ST6GALNAC3: variants seen among roughly 807,000 people sequenced by gnomAD.
ST6GALNAC3 encodes alpha-N-acetylgalactosaminide alpha-2,6-sialyltransferase 3.
Under a neutral mutation model 32.7 loss-of-function variants are expected in ST6GALNAC3, and 25 were observed. That is an observed-to-expected ratio of 0.76 (90% CI 0.56 to 1.07). ST6GALNAC3 has a LOEUF of 1.07. ST6GALNAC3 is among the 50% of genes least tolerant of loss of function. The probability of loss-of-function intolerance (pLI) is 0.00; values close to 1 mark genes in which losing one functional copy is unlikely to be tolerated. For missense variants in ST6GALNAC3, 355 were observed against 382.4 expected (o/e 0.93, Z 0.60); for synonymous variants, 129 against 133.1 (o/e 0.97, Z 0.21).
intron 3 of ST6GALNAC3, among the ~76,000 whole-genome samples, chr1:76,455,902 A>G (rs187439793): frequency 6.6e-6 from 1 of 152,300 alleles, no homozygotes; most frequent in Non-Finnish European, 1.5e-5. Context: ...AAAATACTTT[A>G]TGGCTGGATG....
At chr1:76,454,321 G>T (rs1373513396) in intron 3 of ST6GALNAC3, among the ~76,000 whole-genome samples, 1 of 151,978 alleles carries the variant, frequency 6.6e-6, no homozygotes, top group Admixed American at 6.6e-5. Context: ...TATTATTCCT[G>T]TTATTTGTTG....
At chr1:76,326,283 A>C (rs796394937) in intron 2 of ST6GALNAC3, among the ~76,000 whole-genome samples, 6 of 152,290 alleles carry the variant, frequency 3.9e-5, no homozygotes, top group African/African-American at 1.4e-4. Context: ...GTGGCCTCAC[A>C]TCTGTTAACA....
chr1:76,155,845 C>A (rs1007893261), intron 1 of ST6GALNAC3, among the ~76,000 whole-genome samples: 2 of 152,154 alleles, frequency 1.3e-5, no homozygotes, highest in Admixed American at 6.5e-5. Context: ...ACATTTGTTA[C>A]AATTAGTGAA....
At chr1:76,318,187 A>G (rs1646902881) in intron 2 of ST6GALNAC3, among the ~76,000 whole-genome samples, 1 of 152,118 alleles carries the variant, frequency 6.6e-6, no homozygotes, top group East Asian at 1.9e-4. Flanking sequence ...ATGTAGATCC[A>G]TAAAAAAGAG....
intron 3 of ST6GALNAC3, among the ~76,000 whole-genome samples, chr1:76,524,758 A>C: frequency 6.6e-6 from 1 of 151,298 alleles, no homozygotes. Flanking sequence ...CTATGCCCCT[A>C]ACAAAACTCA....
intron 3 of ST6GALNAC3, among the ~76,000 whole-genome samples, chr1:76,438,204 T>A (rs1269654952): frequency 6.6e-6 from 1 of 151,306 alleles, no homozygotes; most frequent in Non-Finnish European, 1.5e-5. Context: ...CAGGCTGGAG[T>A]GCAGTGGCGC....
intron 1 of ST6GALNAC3, among the ~76,000 whole-genome samples, chr1:76,226,029 A>G (rs1570498236): frequency 1.3e-5 from 2 of 152,150 alleles, no homozygotes; most frequent in East Asian, 3.9e-4. Context: ...AGCATAACTG[A>G]TGACTTTATT....
chr1:76,410,135 G>C (rs561024993), intron 2 of ST6GALNAC3, among the ~76,000 whole-genome samples: 1 of 151,816 alleles, frequency 6.6e-6, no homozygotes, highest in African/African-American at 2.4e-5. Context: ...CCTCTGTCCC[G>C]AGCCCTTCAA....
intron 1 of ST6GALNAC3, among the ~76,000 whole-genome samples, chr1:76,188,257 G>A (rs1208656710): frequency 6.6e-6 from 1 of 152,144 alleles, no homozygotes; most frequent in African/African-American, 2.4e-5. Flanking sequence ...AGTTACTCAG[G>A]AGGTTGAGGC....
intron 2 of ST6GALNAC3, among the ~76,000 whole-genome samples, chr1:76,396,833 T>C (rs1010747359): frequency 1.3e-5 from 2 of 152,232 alleles, no homozygotes; most frequent in Non-Finnish European, 2.9e-5. Context: ...GTATTCAATA[T>C]AGCATTTTGG....
At chr1:76,365,738 G>A (rs965492254) in intron 2 of ST6GALNAC3, among the ~76,000 whole-genome samples, 1 of 152,028 alleles carries the variant, frequency 6.6e-6, no homozygotes, top group Non-Finnish European at 1.5e-5. Flanking sequence ...TGACAAGCAT[G>A]GCCTTTCAAT....
intron 1 of ST6GALNAC3, among the ~76,000 whole-genome samples, chr1:76,096,293 G>A (rs1647129930): frequency 6.6e-6 from 1 of 152,108 alleles, no homozygotes; most frequent in Admixed American, 6.5e-5. Flanking sequence ...TATTTAGTTT[G>A]CGAACCTGGC....
intron 1 of ST6GALNAC3, among the ~76,000 whole-genome samples, chr1:76,104,922 G>A (rs1211645719): frequency 6.6e-6 from 1 of 152,060 alleles, no homozygotes; most frequent in Non-Finnish European, 1.5e-5. Flanking sequence ...TCACTATCAT[G>A]AAAACAACAC....
At chr1:76,092,734 A>G (rs780215429) in intron 1 of ST6GALNAC3, among the ~76,000 whole-genome samples, 6 of 152,154 alleles carry the variant, frequency 3.9e-5, no homozygotes, top group Non-Finnish European at 7.4e-5. Flanking sequence ...TTTATTTTGC[A>G]TGGGGCCTCA....
At chr1:76,447,767 G>A (rs1657088088) in intron 3 of ST6GALNAC3, among the ~76,000 whole-genome samples, 1 of 152,198 alleles carries the variant, frequency 6.6e-6, no homozygotes, top group African/African-American at 2.4e-5. Flanking sequence ...GTGGTGTTGA[G>A]CCTGCGGGTG....
At chr1:76,515,113 G>A (rs754766800) in intron 3 of ST6GALNAC3, among the ~76,000 whole-genome samples, 11 of 152,112 alleles carry the variant, frequency 7.2e-5, no homozygotes, top group Non-Finnish European at 1.2e-4. Context: ...ATGTTTGATA[G>A]AATTCAGCAG....
intron 1 of ST6GALNAC3, among the ~76,000 whole-genome samples, chr1:76,215,404 AG>A (rs1304603437): frequency 6.6e-6 from 1 of 152,160 alleles, no homozygotes; most frequent in Non-Finnish European, 1.5e-5. Context: ...CAGAACGCCT[AG>A]GAAGTTAAAA....
rs367820711 is a variant in ST6GALNAC3 at position 76,093,348 on chromosome 1, A to G, written c.18+18464A>G. ...GACTGTTCATGAGAAGCTTCTTTTT[A>G]ACTTTTCATGGATTGCAGTAAAGGA... On this transcript the variant is annotated intron_variant, in intron 1 of 4. Coordinates refer to ENST00000328299, the MANE Select transcript of ST6GALNAC3 (RefSeq NM_152996.4). 3.7e-4 allele frequency among the ~76,000 whole-genome samples: 57 copies of G among 152,320 alleles called. 3 individuals are homozygous for G. The highest frequency in any genetic ancestry group is 1.2e-3 in the African/African-American group (50 of 41,580).
intron 1 of ST6GALNAC3, among the ~76,000 whole-genome samples, chr1:76,164,834 AT>A (rs938860158): frequency 2.0e-5 from 3 of 152,188 alleles, no homozygotes; most frequent in African/African-American, 7.2e-5. Flanking sequence ...ATGAAAAAAA[AT>A]ATGTGATTGA....
Sources: gnomAD v4.1 joint callset for allele counts (sites outside exome capture counted in the v4.1 genomes callset) on GRCh38, gnomAD v4.1.1 for gene constraint, MANE v1.5 for transcripts, NCBI Gene and HGNC (gene_info 2026-07-23, HGNC 2026-07-21) for gene names.